EYA2: variants seen among roughly 807,000 people sequenced by gnomAD.
EYA2 encodes protein phosphatase EYA2.
In EYA2, 31 loss-of-function variants were observed where a neutral mutation model predicts 69.2. That is an observed-to-expected ratio of 0.45 (90% confidence interval 0.34 to 0.60). The LOEUF is 0.60. Ranked by LOEUF, EYA2 falls within the 20% of genes least tolerant of loss-of-function variation. EYA2 has a pLI of 0.02. For missense variants in EYA2, 622 were observed against 701.2 expected (o/e 0.89, Z 1.28); for synonymous variants, 257 against 279.4 (o/e 0.92, Z 0.80).
chr20:47,162,322 G>A (rs6066218), intron 10 of EYA2, among the ~76,000 whole-genome samples: 117,312 of 151,892 alleles, frequency 0.77, 46,277 homozygotes, highest in East Asian at 0.86. Flanking sequence ...TCTCTGCCTC[G>A]TTTTCTCCTA....
chr20:47,044,133 C>T (rs2029910199), intron 5 of EYA2, among the ~76,000 whole-genome samples: 1 of 152,286 alleles, frequency 6.6e-6, no homozygotes, highest in Middle Eastern at 3.4e-3. Context: ...TTACACAACT[C>T]CAGGGGGCAC....
intron 5 of EYA2, among the ~76,000 whole-genome samples, chr20:47,043,936 C>T (rs777306632): frequency 6.6e-6 from 1 of 152,090 alleles, no homozygotes; most frequent in Non-Finnish European, 1.5e-5. Flanking sequence ...TTCAACATTA[C>T]GAGGTGTTTG....
At chr20:47,171,450 ATGCCTCGTTTTG>A (rs1467147716) in intron 11 of EYA2, among the ~76,000 whole-genome samples, 1 of 152,020 alleles carries the variant, frequency 6.6e-6, no homozygotes, top group Non-Finnish European at 1.5e-5. Flanking sequence ...ACCTTCAGAG[ATGCCTCGTTTTG>A]TGCCATGTTC....
chr20:47,172,286 G>A (rs2034337187), intron 11 of EYA2, among the ~76,000 whole-genome samples: 1 of 151,682 alleles, frequency 6.6e-6, no homozygotes, highest in African/African-American at 2.4e-5. Context: ...ATAAAAATAA[G>A]TTAGCCAAGT....
At chr20:46,949,756 A>G (rs1220525744) in intron 1 of EYA2, among the ~76,000 whole-genome samples, 2 of 152,224 alleles carry the variant, frequency 1.3e-5, no homozygotes, top group Non-Finnish European at 2.9e-5. Context: ...GTTGGTATGC[A>G]TTTTAAGATT....
chr20:47,116,167 C>T (rs1365597413), intron 9 of EYA2, among the ~76,000 whole-genome samples: 2 of 127,540 alleles, frequency 1.6e-5, no homozygotes, highest in African/African-American at 2.9e-5. Flanking sequence ...CATCATCATC[C>T]TTCTTTTTTT....
chr20:46,998,723 G>A (rs1332534676), intron 2 of EYA2, among the ~76,000 whole-genome samples: 2 of 152,228 alleles, frequency 1.3e-5, no homozygotes, highest in Non-Finnish European at 2.9e-5. Flanking sequence ...AAGGGAGGCA[G>A]AAGATCACTC....
chr20:46,993,866 A>G (rs529183359), intron 2 of EYA2, among the ~76,000 whole-genome samples: 2 of 152,200 alleles, frequency 1.3e-5, no homozygotes, highest in Non-Finnish European at 1.5e-5. Context: ...CCACATGGCT[A>G]CACAGAACAA....
At chr20:47,050,705 A>C (rs1359153984) in intron 5 of EYA2, among the ~76,000 whole-genome samples, 1 of 152,272 alleles carries the variant, frequency 6.6e-6, no homozygotes, top group African/African-American at 2.4e-5. Context: ...TGGCTTTTGC[A>C]TAAGGTATTT....
At chr20:47,146,795 C>A (rs1600743069) in intron 10 of EYA2, among the ~76,000 whole-genome samples, 1 of 152,224 alleles carries the variant, frequency 6.6e-6, no homozygotes, top group East Asian at 1.9e-4. Context: ...CCGCGTCCAG[C>A]AGCGCTTTAT....
intron 7 of EYA2, among the ~76,000 whole-genome samples, chr20:47,086,227 T>C (rs774055367): frequency 7.2e-5 from 11 of 152,220 alleles, no homozygotes; most frequent in Non-Finnish European, 1.0e-4. Flanking sequence ...GGCTCATTCC[T>C]GTAATCCCAG....
intron 5 of EYA2, among the ~76,000 whole-genome samples, chr20:47,025,526 A>G (rs573299741): frequency 1.3e-5 from 2 of 152,206 alleles, no homozygotes; most frequent in Non-Finnish European, 2.9e-5. Context: ...ATAGATGCCT[A>G]TTATTGCATT....
intron 2 of EYA2, among the ~76,000 whole-genome samples, chr20:46,995,120 T>A (rs931562845): frequency 3.2e-4 from 48 of 152,042 alleles, no homozygotes; most frequent in Admixed American, 7.2e-4. Flanking sequence ...AGGCTGGTCT[T>A]GAACTCCCGA....
At chr20:47,041,592 T>C (rs1985071756) in intron 5 of EYA2, among the ~76,000 whole-genome samples, 1 of 152,222 alleles carries the variant, frequency 6.6e-6, no homozygotes, top group Non-Finnish European at 1.5e-5. Context: ...TGCCAGGTTC[T>C]GAATTCTGTC....
At chr20:47,014,628 ATGTGTGTGTGTGTGTGTGTGTGTG>A (rs56005987) in intron 4 of EYA2, among the ~76,000 whole-genome samples, 1 of 144,614 alleles carries the variant, frequency 6.9e-6, no homozygotes, top group African/African-American at 2.6e-5. Flanking sequence ...TGTGCACAAA[ATGTGTGTGTGTGTGTGTGTGTGTG>A]TGTGTGTGTG....
At chr20:47,044,557 G>A (rs1176550907) in intron 5 of EYA2, among the ~76,000 whole-genome samples, 1 of 152,170 alleles carries the variant, frequency 6.6e-6, no homozygotes, top group Non-Finnish European at 1.5e-5. Flanking sequence ...TGTTCAACCA[G>A]GTGGTCAGGC....
intron 4 of EYA2, among the ~76,000 whole-genome samples, chr20:47,008,227 C>T (rs751957395): frequency 3.3e-5 from 5 of 152,284 alleles, no homozygotes; most frequent in Admixed American, 6.5e-5. Flanking sequence ...CTCAACCCTA[C>T]GAGGAAGGTC....
At chr20:47,062,580 C>T (rs897954779) in intron 5 of EYA2, among the ~76,000 whole-genome samples, 6 of 152,266 alleles carry the variant, frequency 3.9e-5, no homozygotes, top group Non-Finnish European at 7.4e-5. Context: ...ATGGCTCTTT[C>T]GAACTGAAAA....
intron 9 of EYA2, among the ~76,000 whole-genome samples, chr20:47,130,328 A>G (rs981590246): frequency 1.6e-5 from 2 of 124,428 alleles, no homozygotes; most frequent in African/African-American, 3.4e-5. Context: ...GCAGTGGCAC[A>G]ATCTCGGCTC....
Sources: allele counts gnomAD v4.1 joint callset (sites outside exome capture counted in the v4.1 genomes callset), GRCh38; gene constraint gnomAD v4.1.1; transcripts MANE v1.5; gene names NCBI Gene and HGNC (gene_info 2026-07-23, HGNC 2026-07-21).